Variants in PRKCA observed in about 807,000 individuals in gnomAD.
PRKCA encodes protein kinase C alpha, also known as protein kinase C alpha type.
A neutral mutation model predicts 87.0 loss-of-function variants in PRKCA; 27 were observed. The ratio of observed to expected loss-of-function variants is 0.31; its 90% CI spans 0.23 to 0.43. The LOEUF (loss-of-function observed/expected upper bound fraction) is 0.43, where lower values mean the gene tolerates loss of function less well. PRKCA is among the 20% of genes least tolerant of loss of function. The probability of loss-of-function intolerance (pLI) is 1.00; values close to 1 mark genes in which losing one functional copy is unlikely to be tolerated. For synonymous variants in PRKCA, 329 were observed against 311.1 expected, an observed-to-expected ratio of 1.06 and a Z score of -0.61; for missense variants, 518 against 852.3, an observed-to-expected ratio of 0.61 and a Z score of 4.88.
intron 3 of PRKCA, among the ~76,000 whole-genome samples, chr17:66,635,260 A>G (rs1182489247): frequency 1.3e-5 from 2 of 152,202 alleles, no homozygotes; most frequent in African/African-American, 4.8e-5. Context: ...GATGAATTTG[A>G]TGAATTTGAT....
chr17:66,777,413 T>G (rs932495811), intron 14 of PRKCA: 3 of 973,778 alleles, frequency 3.1e-6, no homozygotes, highest in Non-Finnish European at 3.7e-6. Context: ...GTTTATTATT[T>G]ATTTAGTTCC....
chr17:66,312,751 TTGTG>T (rs1438737362), intron 2 of PRKCA, among the ~76,000 whole-genome samples: 1 of 149,548 alleles, frequency 6.7e-6, no homozygotes, highest in Non-Finnish European at 1.5e-5. Context: ...TTTTTTTTTT[TTGTG>T]AGACAGAGTG....
intron 4 of PRKCA, 75 bp from the exon 5 acceptor site, chr17:66,645,308 T>C: frequency 6.2e-7 from 1 of 1,600,744 alleles, no homozygotes; most frequent in East Asian, 2.2e-5. Flanking sequence ...TCACTTGTGC[T>C]CATGCACCAA....
intron 3 of PRKCA, among the ~76,000 whole-genome samples, chr17:66,531,677 T>TCA (rs1401509153): frequency 1.3e-5 from 2 of 152,208 alleles, no homozygotes; most frequent in Non-Finnish European, 2.9e-5. Flanking sequence ...GTCACTGCTG[T>TCA]CTCCCTTCAA....
chr17:66,309,105 T>C (rs1904967737), intron 2 of PRKCA, among the ~76,000 whole-genome samples: 1 of 152,222 alleles, frequency 6.6e-6, no homozygotes, highest in Non-Finnish European at 1.5e-5. Context: ...AGGTAAAATA[T>C]CTGCAGCAAG....
Position 66,611,324 on chromosome 17 carries a change from A to G in PRKCA, c.289-30031A>G, listed in dbSNP as rs141382358. On this transcript the variant is annotated intron_variant, in intron 3 of 16. Coordinates refer to ENST00000413366, the MANE Select transcript of PRKCA (RefSeq NM_002737.3). ...ATTCATCACCCCTAAAAGAAACTCT[A>G]TACTTACTAGTAGTCATCTCCCTTT... Among the ~76,000 whole-genome samples, 90 of 152,328 alleles carry G rather than the reference A, an allele frequency of 5.9e-4. 1 individual carries two copies. Among genetic ancestry groups the G allele is most frequent in the Non-Finnish European group, 9.8e-4 (67 of 68,030 alleles).
chr17:66,592,137 C>T (rs552873520), intron 3 of PRKCA, among the ~76,000 whole-genome samples: 1 of 152,136 alleles, frequency 6.6e-6, no homozygotes, highest in African/African-American at 2.4e-5. Flanking sequence ...GGCAGATCAC[C>T]TGAGGTCAGG....
rs1264883870 is a variant in PRKCA at position 66,302,913 on chromosome 17, C to T, written c.62C>T (p.Ala21Val). The part of the protein sequence containing the change: ...TASQDVANRF[A>V]RKGALRQKNV... Reference sequence around the variant, plus strand: ...TCTCAGGACGTGGCCAACCGCTTCGCCCGCAAAGGGGCGCTGAGGCAGAAG... The same window carrying T: ...TCTCAGGACGTGGCCAACCGCTTCGTCCGCAAAGGGGCGCTGAGGCAGAAG... The change falls in exon 1 of 17, where the codon GCC becomes GTC. Residue 21 changes from alanine to valine, a missense_variant. Around this residue, in one of 5 missense-constraint regions of PRKCA, gnomAD observed 33 missense variants for 34.1 expected, o/e 0.97. Transcript: ENST00000413366. 6.2e-7 allele frequency: 1 copy of T among 1,612,334 alleles called. No homozygotes were observed. Among genetic ancestry groups the T allele is most frequent in the Non-Finnish European group, 8.5e-7 (1 of 1,179,224 alleles).
chr17:66,492,437 A>C (rs549045871), intron 2 of PRKCA, among the ~76,000 whole-genome samples: 1 of 152,218 alleles, frequency 6.6e-6, no homozygotes, highest in Non-Finnish European at 1.5e-5. Context: ...ACAAAAAGCA[A>C]ACTATTCTTC....
At chr17:66,629,194 A>G (rs186404075) in intron 3 of PRKCA, among the ~76,000 whole-genome samples, 214 of 152,262 alleles carry the variant, frequency 1.4e-3, no homozygotes, top group Non-Finnish European at 2.6e-3. Context: ...ACATGGTTAC[A>G]CCTTCTGCCT....
At chr17:66,759,526 A>C (rs1306253283) in intron 13 of PRKCA, among the ~76,000 whole-genome samples, 21 of 140,388 alleles carry the variant, frequency 1.5e-4, no homozygotes, top group African/African-American at 5.9e-4. Context: ...AGAGTGGGAG[A>C]CAAAAAAAAA....
At chr17:66,728,014 G>A (rs915359122) in intron 8 of PRKCA, among the ~76,000 whole-genome samples, 4 of 152,146 alleles carry the variant, frequency 2.6e-5, no homozygotes, top group African/African-American at 9.7e-5. Flanking sequence ...GCTCAAAGCC[G>A]GCCCAGACCC....
In PRKCA at chr17:66,562,138, T is replaced by TATATATATAATTAA. The variant is rs1491559018; in HGVS notation, c.288+65858_288+65871dup. ...TATAATTAAATATATATAATTAAAT[T>TATATATATAATTAA]ATATATATAATTAAATTATATATAT... On this transcript the variant is annotated intron_variant, in intron 3 of 16. Transcript: ENST00000413366. Among the ~76,000 whole-genome samples, 64 of 17,434 alleles carry TATATATATAATTAA rather than the reference T, an allele frequency of 3.7e-3. 5 individuals are homozygous for TATATATATAATTAA. Among genetic ancestry groups the TATATATATAATTAA allele is most frequent in the African/African-American group, 0.022 (52 of 2,326 alleles). 11.4% of individuals were successfully genotyped at this position (17,434 alleles called of 152,430 possible). A position where few individuals can be genotyped will look rare whatever the true frequency, so the allele number is the denominator to read the frequency against.
chr17:66,438,302 C>T (rs963671279), intron 2 of PRKCA, among the ~76,000 whole-genome samples: 5 of 152,150 alleles, frequency 3.3e-5, no homozygotes, highest in Admixed American at 6.5e-5. Context: ...AGGTAAAGGG[C>T]GAATTCCGGC....
intron 5 of PRKCA, among the ~76,000 whole-genome samples, chr17:66,661,156 C>T (rs1166984559): frequency 2.0e-5 from 3 of 152,294 alleles, no homozygotes; most frequent in East Asian, 1.9e-4. Flanking sequence ...TGGCCCTAGA[C>T]GATTCTACAG....
At chr17:66,397,462 T>G (rs1910762983) in intron 2 of PRKCA, among the ~76,000 whole-genome samples, 1 of 152,036 alleles carries the variant, frequency 6.6e-6, no homozygotes, top group Non-Finnish European at 1.5e-5. Flanking sequence ...GTCATTTTGA[T>G]GCAGGACTTT....
intron 3 of PRKCA, among the ~76,000 whole-genome samples, chr17:66,534,421 A>G (rs562550545): frequency 8.5e-5 from 13 of 152,150 alleles, no homozygotes; most frequent in Non-Finnish European, 1.6e-4. Flanking sequence ...TAATCCCAGC[A>G]CTTTGGGAGG....
chr17:66,332,228 T>TC (rs1555584368), intron 2 of PRKCA, among the ~76,000 whole-genome samples: 11,247 of 136,990 alleles, frequency 0.082, 392 homozygotes, highest in South Asian at 0.18. Context: ...CTTCCTTCCT[T>TC]CTTTTTTTTT....
intron 3 of PRKCA, among the ~76,000 whole-genome samples, chr17:66,620,523 C>T (rs956860408): frequency 4.6e-5 from 7 of 152,050 alleles, no homozygotes; most frequent in Non-Finnish European, 7.4e-5. Flanking sequence ...GCAGGAGAAT[C>T]GGGGAAATGT....
Sources: allele counts gnomAD v4.1 joint callset (sites outside exome capture counted in the v4.1 genomes callset), GRCh38; gene constraint gnomAD v4.1.1; regional missense constraint gnomAD v4.1.1; transcripts MANE v1.5; gene names NCBI Gene and HGNC (gene_info 2026-07-23, HGNC 2026-07-21).